TUBA4A: variants seen among roughly 807,000 people sequenced by gnomAD.
The protein encoded by TUBA4A is tubulin alpha 4a.
Under a neutral mutation model 34.3 loss-of-function variants are expected in TUBA4A, and 23 were observed. That is an observed-to-expected ratio of 0.67 (90% CI 0.48 to 0.95). The LOEUF (loss-of-function observed/expected upper bound fraction) is 0.95. TUBA4A is among the 40% of genes least tolerant of loss of function. The probability of loss-of-function intolerance (pLI) is 0.00; values close to 1 mark genes in which losing one functional copy is unlikely to be tolerated. For missense variants in TUBA4A, 279 were observed against 599.0 expected, an observed-to-expected ratio of 0.47 and a Z score of 5.58; for synonymous variants, 216 against 230.5, an observed-to-expected ratio of 0.94 and a Z score of 0.57.
Position 219,250,220 on chromosome 2 carries a change from G to C in TUBA4A, c.*132C>G. 3 of 1,320,244 alleles carry C rather than the reference G, an allele frequency of 2.3e-6. No individual in the cohort carries two copies. 81.8% of individuals were successfully genotyped at this position (1,320,244 alleles called of 1,614,324 possible). A position where few individuals can be genotyped will look rare whatever the true frequency, so the allele number is the denominator to read the frequency against. On this transcript the variant is annotated 3_prime_UTR_variant, in exon 4 of 4. Transcript: ENST00000248437. This position sits in a 1 kb window ranked among gnomAD's most constrained non-coding sequence, Gnocchi z 8.4. The stretch of plus-strand genomic sequence containing the variant: ...GGATAAGGGTCATGAACAGCAAACA[G>C]AGCAGCAGCAGCATGAAGGGGAAGG...
At chr2:219,253,149 C>G in intron 1 of TUBA4A, 1 of 1,519,304 alleles carries the variant, frequency 6.6e-7, no homozygotes, top group Non-Finnish European at 8.9e-7. Flanking sequence ...TGGGTTTCGG[C>G]CCCCGCTCCT....
In TUBA4A at chr2:219,253,217, G is replaced by C. The variant is rs545321458; in HGVS notation, c.3+639C>G. The C allele has an allele frequency of 6.7e-6, 10 of 1,490,614 alleles. No individual in the cohort carries two copies. In the African/African-American group the frequency reaches 1.3e-4, roughly 19 times the overall value. 92.3% of individuals were successfully genotyped at this position (1,490,614 alleles called of 1,614,324 possible). ...TCTCCCCTCCCCCCAACCTGGCCTC[G>C]GCCCGCGCAGTGCTCAGCGCCAGCT... On this transcript the variant is annotated intron_variant, in intron 1 of 3. Coordinates refer to ENST00000248437, the MANE Select transcript of TUBA4A (RefSeq NM_006000.3).
chr2:219,253,978 G>T, upstream of TUBA4A: 6 of 1,084,974 alleles, frequency 5.5e-6, no homozygotes, highest in Non-Finnish European at 7.4e-6. Context: ...CGCGTTCCCC[G>T]CTCGCCCACT....
Position 219,251,488 on chromosome 2 carries a change from G to A in TUBA4A, c.375+77C>T. 5 of 1,562,714 alleles carry A rather than the reference G, an allele frequency of 3.2e-6. No homozygotes were observed. Among genetic ancestry groups the A allele is most frequent in the Non-Finnish European group, 4.3e-6 (5 of 1,150,146 alleles). Reference sequence around the variant, plus strand: ...CATGTATAGTTAGAGATGACCTCCTGAAAGGATCTGAAAAAAAATATTCCT... The same window carrying A: ...CATGTATAGTTAGAGATGACCTCCTAAAAGGATCTGAAAAAAAATATTCCT... On this transcript the variant is annotated intron_variant, in intron 3 of 3. Coordinates refer to ENST00000248437, the MANE Select transcript of TUBA4A (RefSeq NM_006000.3). This position sits in a 1 kb window ranked among gnomAD's most constrained non-coding sequence, Gnocchi z 6.1.
At chr2:219,253,366 G>A (rs1951681043) in intron 1 of TUBA4A, 1 of 1,533,166 alleles carries the variant, frequency 6.5e-7, no homozygotes, top group African/African-American at 1.4e-5. Context: ...GGGGGGGGGT[G>A]GTTCTGTGGA....
Position 219,252,400 on chromosome 2 carries a change from A to T in TUBA4A, c.4-170T>A, listed in dbSNP as rs573738181. Reference sequence around the variant, plus strand: ...AGAGTAGCAGCCTGCCCGGGCTCCCAGGTACAGGACTCCCCACCTGGAGGC... The same window carrying T: ...AGAGTAGCAGCCTGCCCGGGCTCCCTGGTACAGGACTCCCCACCTGGAGGC... On this transcript the variant is annotated intron_variant, in intron 1 of 3. Coordinates refer to ENST00000248437, the MANE Select transcript of TUBA4A (RefSeq NM_006000.3). The surrounding 1 kb of genome is among the most constrained non-coding windows in gnomAD (Gnocchi z 4.1). Among the ~76,000 whole-genome samples the T allele has an allele frequency of 3.3e-5, 5 of 152,208 alleles. No individual in the cohort carries two copies. The East Asian group carries it at 9.7e-4, about 29-fold the overall frequency.
rs771641172 is a variant in TUBA4A at position 219,251,068 on chromosome 2, C to A, written c.631G>T (p.Asp211Tyr). ...AFMVDNEAIYDICRRNLDIER... is the reference protein window; with the variant it reads ...AFMVDNEAIYYICRRNLDIER... ...ATGTCTAGGTTGCGGCGGCAGATGT[C>A]ATAGATTGCTTCGTTGTCCACCATG... Residue 211 changes from aspartate to tyrosine, a missense_variant, in exon 4 of 4, where the codon GAC (aspartate) becomes TAC (tyrosine). Physicochemically the swap from Asp to Tyr is radical, Grantham distance 160. Around this residue, in one of 3 missense-constraint regions of TUBA4A, gnomAD observed 108 missense variants for 299.9 expected, o/e 0.36. Transcript: ENST00000248437. The surrounding 1 kb of genome is among the most constrained non-coding windows in gnomAD (Gnocchi z 6.1). 3.1e-6 allele frequency: 5 copies of A among 1,614,050 alleles called. No individual in the cohort carries two copies. In the African/African-American group the frequency reaches 6.7e-5, roughly 22 times the overall value.
At position 219,250,194 on chromosome 2, in the gene TUBA4A, G is replaced by A. The variant is rs1951621897; in HGVS notation, c.*158C>T. On this transcript the variant is annotated 3_prime_UTR_variant, in exon 4 of 4. Transcript: ENST00000248437. This position sits in a 1 kb window ranked among gnomAD's most constrained non-coding sequence, Gnocchi z 8.4. The stretch of plus-strand genomic sequence containing the variant: ...GCAGGTCTCACCTTCAGCGATGGAA[G>A]GGATAAGGGTCATGAACAGCAAACA... The A allele has an allele frequency of 9.2e-7, 1 of 1,088,634 alleles. No individual in the cohort carries two copies. Among genetic ancestry groups the A allele is most frequent in the Non-Finnish European group, 1.3e-6 (1 of 749,074 alleles). The allele number at this position is 1,088,634 out of a possible 1,614,324, so 67.4% of individuals were successfully genotyped here. A position where few individuals can be genotyped will look rare whatever the true frequency, so the allele number is the denominator to read the frequency against.
Position 219,252,336 on chromosome 2 carries a change from G to T in TUBA4A, c.4-106C>A. 8.9e-7 allele frequency: 1 copy of T among 1,117,564 alleles called. No homozygotes were observed. The highest frequency in any genetic ancestry group is 1.3e-6 in the Non-Finnish European group (1 of 775,724). The allele number at this position is 1,117,564 out of a possible 1,614,324, so 69.2% of individuals were successfully genotyped here. A position where few individuals can be genotyped will look rare whatever the true frequency, so the allele number is the denominator to read the frequency against. ...ATCTACCAGCTAGGATGACTCAGTTGGCAAGAGTGGAGGGTTGGGGCTGGG... is the reference window on the plus strand; with the variant it reads ...ATCTACCAGCTAGGATGACTCAGTTTGCAAGAGTGGAGGGTTGGGGCTGGG... On this transcript the variant is annotated intron_variant, in intron 1 of 3. Transcript: ENST00000248437. This position sits in a 1 kb window ranked among gnomAD's most constrained non-coding sequence, Gnocchi z 4.1.
In TUBA4A at chr2:219,252,878, G is replaced by T. The variant is rs377357452; in HGVS notation, c.4-648C>A. 8.9e-5 allele frequency: 42 copies of T among 472,234 alleles called. No homozygotes were observed. Among genetic ancestry groups the T allele is most frequent in the African/African-American group, 7.4e-4 (37 of 50,258 alleles). The allele number at this position is 472,234 out of a possible 1,614,324, so 29.3% of individuals were successfully genotyped here. A position where few individuals can be genotyped will look rare whatever the true frequency, so the allele number is the denominator to read the frequency against. ...CAATAAGGTTTGAGGGTACTGGGGC[G>T]CTCACTGCCTTAGGCTCCGTCCCTG... is the stretch of plus-strand genomic sequence containing the variant. On this transcript the variant is annotated intron_variant, in intron 1 of 3. Transcript: ENST00000248437. This position sits in a 1 kb window ranked among gnomAD's most constrained non-coding sequence, Gnocchi z 4.1.
At chr2:219,253,997 G>A (rs548893546), upstream of TUBA4A, 1 of 936,834 alleles carries the variant, frequency 1.1e-6, no homozygotes, top group East Asian at 3.3e-5. Flanking sequence ...CTAGAGGCTG[G>A]GCGGCCCGCA....
Position 219,250,312 on chromosome 2 carries a change from T to G in TUBA4A, c.*40A>C. 1.9e-6 allele frequency: 3 copies of G among 1,561,076 alleles called. No homozygotes were observed. Among genetic ancestry groups the G allele is most frequent in the Non-Finnish European group, 2.6e-6 (3 of 1,152,458 alleles). On this transcript the variant is annotated 3_prime_UTR_variant, in exon 4 of 4. Transcript: ENST00000248437. This position sits in a 1 kb window ranked among gnomAD's most constrained non-coding sequence, Gnocchi z 8.4. ...AAGGAAACTGTTTATTTCGAAAGGA[T>G]TTTGCAATAAACATAGTGAATAGGC...
At position 219,250,798 on chromosome 2, in the gene TUBA4A, G is replaced by A; in HGVS notation, c.901C>T (p.Gln301Ter). 6.2e-7 allele frequency: 1 copy of A among 1,614,214 alleles called. No homozygotes were observed. Among genetic ancestry groups the A allele is most frequent in the Non-Finnish European group, 8.5e-7 (1 of 1,180,032 alleles). The change falls in exon 4 of 4, where the codon CAG becomes TAG. Residue 301 changes from glutamine to a stop codon, truncating the protein, a stop_gained. Transcript: ENST00000248437. LOFTEE classifies it high-confidence loss of function. The surrounding 1 kb of genome is among the most constrained non-coding windows in gnomAD (Gnocchi z 8.4). ...ITNACFEPANQMVKCDPRHGK... is the reference protein window; with the variant it reads ...ITNACFEPAN ...TGCCGGGGATCACACTTTACCATCT[G>A]GTTGGCAGGCTCAAAGCAGGCATTG...
At chr2:219,253,800 C>A (rs2125071792) in intron 1 of TUBA4A, 56 bp downstream of exon 1, 2 of 1,536,780 alleles carry the variant, frequency 1.3e-6, no homozygotes, top group Non-Finnish European at 1.8e-6. Flanking sequence ...AGAAGTGTCC[C>A]CCAAAGGAGA....
At chr2:219,253,783 G>A in intron 1 of TUBA4A, 73 bp downstream of exon 1, 2 of 1,515,028 alleles carry the variant, frequency 1.3e-6, no homozygotes, top group African/African-American at 2.8e-5. Context: ...CCCCGAGCAT[G>A]CCTGGAAGAA....
chr2:219,252,257 C>T lies in TUBA4A; in HGVS notation c.4-27G>A. 7 of 1,586,584 alleles carry T rather than the reference C, an allele frequency of 4.4e-6. No individual in the cohort carries two copies. The highest frequency in any genetic ancestry group is 6.1e-6 in the Non-Finnish European group (7 of 1,156,380). On this transcript the variant is annotated intron_variant, in intron 1 of 3. Transcript: ENST00000248437. The surrounding 1 kb of genome is among the most constrained non-coding windows in gnomAD (Gnocchi z 4.1). ...TGAGGGATAGAGAGAGGGGACACAG[C>T]ATGAGCCCCACATCCACAAGTCCTC...
At chr2:219,253,644 C>T (rs1219517305) in intron 1 of TUBA4A, among the ~76,000 whole-genome samples, 1 of 152,230 alleles carries the variant, frequency 6.6e-6, no homozygotes, top group Admixed American at 6.5e-5. Context: ...AGTCGCACTC[C>T]ACCCCAAGCC....
chr2:219,254,196 G>T (rs895171621), upstream of TUBA4A: 1 of 270,362 alleles, frequency 3.7e-6, no homozygotes, highest in Non-Finnish European at 7.0e-6. Flanking sequence ...GAGATGCAGG[G>T]TGCTGTGGCA....
In TUBA4A at chr2:219,252,081, G is replaced by T. The variant is rs1951657656; in HGVS notation, c.153C>A (p.Thr51=). 1 of 1,614,188 alleles carries T rather than the reference G, an allele frequency of 6.2e-7. No homozygotes were observed. Among genetic ancestry groups the T allele is most frequent in the Non-Finnish European group, 8.5e-7 (1 of 1,180,036 alleles). ...TIGGGDDSFT[T]FFCETGAGKH... is the part of the protein sequence containing the mutation. ...TTCCAGCACCAGTTTCACAGAAGAA[G>T]GTGGTGAAGGAGTCGTCCCCTCCAC... Residue 51 remains threonine, a synonymous_variant, in exon 2 of 4, where the codon ACC becomes ACA. Transcript: ENST00000248437. The surrounding 1 kb of genome is among the most constrained non-coding windows in gnomAD (Gnocchi z 4.1).
Sources: gnomAD v4.1 joint callset for allele counts (sites outside exome capture counted in the v4.1 genomes callset) on GRCh38, gnomAD v4.1.1 for gene constraint, gnomAD v4.1.1 regional missense constraint, Gnocchi (gnomAD v3.1) non-coding constraint, MANE v1.5 for transcripts, NCBI Gene and HGNC (gene_info 2026-07-23, HGNC 2026-07-21) for gene names.